Variants in MAML3 observed in about 807,000 individuals in gnomAD.
MAML3 encodes mastermind like transcriptional coactivator 3.
A neutral mutation model predicts 101.9 loss-of-function variants in MAML3; 27 were observed. That is an observed-to-expected ratio of 0.27 (90% CI 0.20 to 0.37). The LOEUF (loss-of-function observed/expected upper bound fraction) is 0.37, where lower values mean the gene tolerates loss of function less well. Among genes scored for constraint, MAML3 ranks in the 10% least tolerant of loss-of-function variants. The probability of loss-of-function intolerance (pLI) is 1.00; values close to 1 mark genes in which losing one functional copy is unlikely to be tolerated. For missense variants in MAML3, 1,316 were observed against 1,444.9 expected, an observed-to-expected ratio of 0.91 and a Z score of 1.45; for synonymous variants, 501 against 555.9, an observed-to-expected ratio of 0.90 and a Z score of 1.39.
intron 1 of MAML3, among the ~76,000 whole-genome samples, chr4:140,094,430 C>T (rs1391127181): frequency 2.0e-5 from 3 of 152,184 alleles, no homozygotes; most frequent in African/African-American, 4.8e-5. Context: ...AAGCAGCAGC[C>T]GGCCAACGCT....
At chr4:139,928,457 C>T (rs13129525) in intron 1 of MAML3, among the ~76,000 whole-genome samples, 1 of 151,860 alleles carries the variant, frequency 6.6e-6, no homozygotes, top group African/African-American at 2.4e-5. Context: ...GGAGAAACAA[C>T]TAAATTGCTC....
intron 4 of MAML3, among the ~76,000 whole-genome samples, chr4:139,725,166 A>G (rs1256786190): frequency 1.1e-4 from 17 of 152,352 alleles, no homozygotes; most frequent in Non-Finnish European, 1.5e-5. Context: ...CTACTAGGTC[A>G]TGATTTAGGA....
chr4:139,838,759 A>G (rs1731305832), intron 2 of MAML3, among the ~76,000 whole-genome samples: 2 of 152,164 alleles, frequency 1.3e-5, no homozygotes, highest in African/African-American at 4.8e-5. Flanking sequence ...TTCATCCTAG[A>G]ATAGAAAAAC....
chr4:140,083,002 C>T (rs1030847870), intron 1 of MAML3, among the ~76,000 whole-genome samples: 1 of 152,128 alleles, frequency 6.6e-6, no homozygotes. Context: ...TGAAAACAAT[C>T]GTCTGATTAT....
intron 1 of MAML3, among the ~76,000 whole-genome samples, chr4:140,015,072 A>T (rs1726620764): frequency 6.6e-6 from 1 of 152,230 alleles, no homozygotes; most frequent in African/African-American, 2.4e-5. Flanking sequence ...TCAAATAAAG[A>T]TTAGTTTGAA....
chr4:139,946,027 G>T (rs770362635), intron 1 of MAML3, among the ~76,000 whole-genome samples: 2 of 152,182 alleles, frequency 1.3e-5, no homozygotes, highest in Non-Finnish European at 2.9e-5. Flanking sequence ...AAAATGTTAA[G>T]TTTCCCCAAA....
intron 2 of MAML3, among the ~76,000 whole-genome samples, chr4:139,733,351 A>G (rs1012890998): frequency 6.6e-6 from 1 of 152,118 alleles, no homozygotes; most frequent in Non-Finnish European, 1.5e-5. Flanking sequence ...GGCCCTGTTT[A>G]TCTTTGTGCA....
chr4:139,838,679 A>G (rs1211908968), intron 2 of MAML3, among the ~76,000 whole-genome samples: 1 of 152,164 alleles, frequency 6.6e-6, no homozygotes, highest in African/African-American at 2.4e-5. Flanking sequence ...GCACTGTCCA[A>G]GTTTTCCATA....
intron 1 of MAML3, among the ~76,000 whole-genome samples, chr4:140,008,208 G>C (rs952288019): frequency 1.3e-5 from 2 of 152,168 alleles, no homozygotes; most frequent in African/African-American, 4.8e-5. Flanking sequence ...TTAGCTGGGC[G>C]TGGTGGCGCA....
intron 1 of MAML3, among the ~76,000 whole-genome samples, chr4:139,925,825 C>T (rs940976914): frequency 6.6e-6 from 1 of 152,056 alleles, no homozygotes; most frequent in Admixed American, 6.5e-5. Flanking sequence ...TTGACTGGTT[C>T]ACTAGAAAAG....
intron 2 of MAML3, among the ~76,000 whole-genome samples, chr4:139,733,663 G>T (rs1291772692): frequency 2.0e-5 from 3 of 151,864 alleles, no homozygotes; most frequent in Non-Finnish European, 2.9e-5. Flanking sequence ...AGACCTACAG[G>T]CAGGAAGGGC....
At chr4:140,138,472 C>A (rs1221233490) in intron 1 of MAML3, among the ~76,000 whole-genome samples, 1 of 152,206 alleles carries the variant, frequency 6.6e-6, no homozygotes. Flanking sequence ...TTTATATAAA[C>A]CACCTCTGTT....
intron 2 of MAML3, among the ~76,000 whole-genome samples, chr4:139,793,051 G>C (rs374100530): frequency 6.6e-6 from 1 of 151,988 alleles, no homozygotes; most frequent in Non-Finnish European, 1.5e-5. Flanking sequence ...CGGCAGAACT[G>C]GTTTTCTTTA....
chr4:139,790,645 G>GT (rs1050478182), intron 2 of MAML3, among the ~76,000 whole-genome samples: 5 of 152,134 alleles, frequency 3.3e-5, no homozygotes, highest in Admixed American at 6.5e-5. Context: ...TGTAATATTT[G>GT]TTTTTTTGTG....
chr4:139,905,362 G>C (rs1732802359), intron 1 of MAML3, among the ~76,000 whole-genome samples: 1 of 151,762 alleles, frequency 6.6e-6, no homozygotes, highest in African/African-American at 2.4e-5. Context: ...TGTGGTGGTG[G>C]GCATCTGTAG....
chr4:139,871,308 A>G (rs1175786677), intron 2 of MAML3, among the ~76,000 whole-genome samples: 3 of 152,222 alleles, frequency 2.0e-5, no homozygotes, highest in African/African-American at 7.2e-5. Context: ...AATTAAGCCA[A>G]TTAGAGTAAA....
intron 1 of MAML3, among the ~76,000 whole-genome samples, chr4:140,087,181 T>A (rs1019075312): frequency 6.6e-6 from 1 of 152,054 alleles, no homozygotes; most frequent in African/African-American, 2.4e-5. Context: ...CAAAACATTC[T>A]CCTACCAATC....
At chr4:140,136,243 T>C (rs114174111) in intron 1 of MAML3, among the ~76,000 whole-genome samples, 3 of 152,344 alleles carry the variant, frequency 2.0e-5, no homozygotes, top group Non-Finnish European at 2.9e-5. Context: ...ATTCATCCCA[T>C]AGCCTTGACT....
intron 2 of MAML3, among the ~76,000 whole-genome samples, chr4:139,837,374 T>C (rs1301590149): frequency 1.3e-5 from 2 of 151,760 alleles, no homozygotes; most frequent in Non-Finnish European, 2.9e-5. Context: ...GGTGGGCGCC[T>C]GTAGTCCCAG....
Sources: allele counts gnomAD v4.1 joint callset (sites outside exome capture counted in the v4.1 genomes callset), GRCh38; gene constraint gnomAD v4.1.1; transcripts MANE v1.5; gene names NCBI Gene and HGNC (gene_info 2026-07-23, HGNC 2026-07-21).